Variants in LTA4H observed in about 807,000 individuals in gnomAD.
LTA4H encodes the protein leukotriene A4 hydrolase, also known as leukotriene A-4 hydrolase.
In LTA4H, 59 loss-of-function variants were observed where a neutral mutation model predicts 89.8. That is an observed-to-expected ratio of 0.66 (90% CI 0.53 to 0.82). The LOEUF is 0.82. Among genes scored for constraint, LTA4H ranks in the 40% least tolerant of loss-of-function variants. The pLI, the probability that LTA4H is intolerant of heterozygous loss-of-function variation, is 0.00. For synonymous variants in LTA4H, 227 were observed against 253.1 expected, an observed-to-expected ratio of 0.90 and a Z score of 0.98; for missense variants, 617 against 727.0, an observed-to-expected ratio of 0.85 and a Z score of 1.74.
chr12:96,010,305 C>T (rs1950278733), intron 14 of LTA4H: 1 of 152,118 alleles, frequency 6.6e-6, no homozygotes, highest in Admixed American at 6.6e-5. Flanking sequence ...CAGATATGTG[C>T]CTTGTTCTCA....
At position 96,018,907 on chromosome 12, in the gene LTA4H, A is replaced by C; in HGVS notation, c.712-4T>G. On this transcript the variant is annotated splice_region_variant and splice_polypyrimidine_tract_variant and intron_variant, in intron 7 of 18. Transcript: ENST00000228740. Reference sequence around the variant, plus strand: ...CTATTTTAAGCATAGATTCAGTCTGAAAAATCAACATATATATGTCTGTAT... The same window carrying C: ...CTATTTTAAGCATAGATTCAGTCTGCAAAATCAACATATATATGTCTGTAT... 6.4e-7 allele frequency: 1 copy of C among 1,573,724 alleles called. No individual in the cohort carries two copies. Among genetic ancestry groups the C allele is most frequent in the Non-Finnish European group, 8.6e-7 (1 of 1,164,474 alleles).
Position 96,016,186 on chromosome 12 carries a change from C to G in LTA4H, c.948-492G>C, listed in dbSNP as rs1194294907. ...AAAATGAGCTGAGCATGGTGGCGTG[C>G]ACCTGTAGTCCCAGATACTCGGGAG... is the stretch of plus-strand genomic sequence containing the variant. On this transcript the variant is annotated intron_variant, in intron 10 of 18. Coordinates refer to ENST00000228740, the MANE Select transcript of LTA4H (RefSeq NM_000895.3). 2.0e-5 allele frequency among the ~76,000 whole-genome samples: 3 copies of G among 150,768 alleles called. No individual in the cohort carries two copies. The South Asian group carries it at 6.3e-4, about 32-fold the overall frequency.
rs774700907 is a variant in LTA4H at position 96,022,160 on chromosome 12, T to C, written c.572A>G (p.Lys191Arg). 7.4e-6 allele frequency: 12 copies of C among 1,613,188 alleles called. No homozygotes were observed. The Middle Eastern group carries it at 9.9e-4, about 133-fold the overall frequency. ...DPEDPSRKIY[K>R]FIQKVPIPCY... is the part of the protein sequence containing the mutation. ...CTAGGATCTTACTTTTTGGATGAAT[T>C]TGTATATTTTCCTGCTTGGGTCTTC... The change falls in exon 5 of 19, where the codon AAA becomes AGA. Residue 191 changes from lysine to arginine, a missense_variant. Transcript: ENST00000228740. This position sits in a 1 kb window ranked among gnomAD's most constrained non-coding sequence, Gnocchi z 4.0.
At chr12:96,006,676 A>C (rs375217845) in intron 15 of LTA4H, among the ~76,000 whole-genome samples, 1 of 152,220 alleles carries the variant, frequency 6.6e-6, no homozygotes, top group Non-Finnish European at 1.5e-5. Flanking sequence ...CATTCATTGT[A>C]CCATTCGAGG....
At chr12:96,020,928 T>G (rs1950445084) in intron 6 of LTA4H, among the ~76,000 whole-genome samples, 157 bp downstream of exon 6, 1 of 152,248 alleles carries the variant, frequency 6.6e-6, no homozygotes, top group African/African-American at 2.4e-5. Context: ...AATGTAAAAT[T>G]AATTTGTTGC....
Position 96,015,565 on chromosome 12 carries a change from A to T in LTA4H, c.1059+18T>A, listed in dbSNP as rs755692261. On this transcript the variant is annotated intron_variant, in intron 11 of 18. Coordinates refer to ENST00000228740, the MANE Select transcript of LTA4H (RefSeq NM_000895.3). ...ATACAACTTTGGATGAAGGTTTTTA[A>T]AACTTTGACTCCTTTACCGAATTCT... The T allele has an allele frequency of 8.9e-6, 14 of 1,567,836 alleles. 1 individual carries two copies. In the South Asian group the frequency reaches 1.6e-4, roughly 18 times the overall value.
At chr12:96,026,303 A>G (rs1291337104) in intron 3 of LTA4H, among the ~76,000 whole-genome samples, 1 of 152,244 alleles carries the variant, frequency 6.6e-6, no homozygotes, top group Non-Finnish European at 1.5e-5. Context: ...TTCATCAAAC[A>G]AAATCATGTC....
chr12:96,031,458 A>C (rs559275506), intron 1 of LTA4H, among the ~76,000 whole-genome samples: 2 of 152,344 alleles, frequency 1.3e-5, no homozygotes, highest in Admixed American at 1.3e-4. Flanking sequence ...AAACTGTAAT[A>C]AGAAAGAAAA....
At chr12:96,019,080 G>A (rs1309769076) in intron 7 of LTA4H, 88 bp downstream of exon 7, 90 of 1,273,716 alleles carry the variant, frequency 7.1e-5, no homozygotes, top group Non-Finnish European at 9.6e-5. Context: ...TTCTTTCCCC[G>A]TATCACTTAA....
In LTA4H at chr12:96,022,403, T is replaced by C. The variant is rs1950464114; in HGVS notation, c.481-152A>G. The C allele has an allele frequency of 1.5e-5, 9 of 587,782 alleles. No individual in the cohort carries two copies. In the East Asian group the frequency reaches 2.6e-4, roughly 17 times the overall value. The allele number at this position is 587,782 out of a possible 1,614,324, so 36.4% of individuals were successfully genotyped here. On this transcript the variant is annotated intron_variant, in intron 4 of 18. Coordinates refer to ENST00000228740, the MANE Select transcript of LTA4H (RefSeq NM_000895.3). The surrounding 1 kb of genome is among the most constrained non-coding windows in gnomAD (Gnocchi z 4.0). ...TATATACATATACAAAAAGTATATA[T>C]ATACACACACATATATATGAACACA... is the stretch of plus-strand genomic sequence containing the variant.
At chr12:96,015,457 C>A in intron 11 of LTA4H, 126 bp downstream of exon 11, 1 of 674,314 alleles carries the variant, frequency 1.5e-6, no homozygotes, top group Non-Finnish European at 2.6e-6. Flanking sequence ...CCAGCATTGA[C>A]TTCACTTTCC....
At chr12:96,030,182 C>T (rs1322982666) in intron 1 of LTA4H, among the ~76,000 whole-genome samples, 1 of 152,198 alleles carries the variant, frequency 6.6e-6, no homozygotes, top group South Asian at 2.1e-4. Context: ...TGCCTGTACG[C>T]ATACATCATA....
intron 16 of LTA4H, among the ~76,000 whole-genome samples, chr12:96,004,704 A>G (rs1008806485): frequency 6.6e-6 from 1 of 152,102 alleles, no homozygotes; most frequent in Non-Finnish European, 1.5e-5. Context: ...CTCACTAACC[A>G]ATCTCTGCTT....
In LTA4H at chr12:96,000,819, A is replaced by G. The variant is rs1950086915; in HGVS notation, c.*170T>C. The G allele has an allele frequency of 1.9e-6, 1 of 522,626 alleles. No homozygotes were observed. Among genetic ancestry groups the G allele is most frequent in the African/African-American group, 1.9e-5 (1 of 52,722 alleles). The allele number at this position is 522,626 out of a possible 1,614,324, so 32.4% of individuals were successfully genotyped here. On this transcript the variant is annotated 3_prime_UTR_variant, in exon 19 of 19. Transcript: ENST00000228740. ...TAAACCTTGTTAAAATTTACAAAGA[A>G]TATGCCACTATAAGAAGAAGTAGCT...
intron 6 of LTA4H, chr12:96,020,733 T>TA (rs1950443545): frequency 5.7e-6 from 1 of 175,324 alleles, no homozygotes. Context: ...TAATATATTT[T>TA]ATCTCATTTG....
chr12:96,009,568 TAACA>T (rs1950263081), intron 14 of LTA4H: 1 of 166,002 alleles, frequency 6.0e-6, no homozygotes, highest in African/African-American at 2.4e-5. Flanking sequence ...TCTAATCATC[TAACA>T]AACCTGCAAG....
intron 1 of LTA4H, among the ~76,000 whole-genome samples, chr12:96,034,623 AAGAG>A (rs1248931665): frequency 2.0e-5 from 3 of 152,240 alleles, no homozygotes; most frequent in African/African-American, 7.2e-5. Context: ...AAGGACCCTG[AAGAG>A]AGAGAGCTGC....
chr12:96,023,680 G>A (rs951309489), intron 4 of LTA4H, among the ~76,000 whole-genome samples: 2 of 152,188 alleles, frequency 1.3e-5, no homozygotes, highest in Non-Finnish European at 2.9e-5. Flanking sequence ...CCGGGATAGT[G>A]ATTATTTAGT....
In LTA4H at chr12:96,015,705, A is replaced by T. The variant is rs761369171; in HGVS notation, c.948-11T>A. Reference sequence around the variant, plus strand: ...TGTCCCTCATTTAACCTGAAAAAAAAATATTTTAATAAAAACACGGACACA... The same window carrying T: ...TGTCCCTCATTTAACCTGAAAAAAATATATTTTAATAAAAACACGGACACA... On this transcript the variant is annotated splice_polypyrimidine_tract_variant and intron_variant, in intron 10 of 18. Transcript: ENST00000228740. The T allele has an allele frequency of 1.1e-5, 16 of 1,469,222 alleles. No homozygotes were observed. Among genetic ancestry groups the T allele is most frequent in the Non-Finnish European group, 1.3e-5 (14 of 1,055,116 alleles). The allele number at this position is 1,469,222 out of a possible 1,614,324, so 91.0% of individuals were successfully genotyped here. A position where few individuals can be genotyped will look rare whatever the true frequency, so the allele number is the denominator to read the frequency against.
Sources: allele counts gnomAD v4.1 joint callset (sites outside exome capture counted in the v4.1 genomes callset), GRCh38; gene constraint gnomAD v4.1.1; non-coding constraint Gnocchi (gnomAD v3.1); transcripts MANE v1.5; gene names NCBI Gene and HGNC (gene_info 2026-07-23, HGNC 2026-07-21).